SLC37A1: variants seen among roughly 807,000 people sequenced by gnomAD.
SLC37A1 encodes glucose-6-phosphate exchanger SLC37A1.
Under a neutral mutation model 75.3 loss-of-function variants are expected in SLC37A1, and 49 were observed. The observed-to-expected ratio is 0.65, with a 90% CI of 0.52 to 0.83. SLC37A1 has a LOEUF of 0.83. SLC37A1 is among the 40% of genes least tolerant of loss of function. SLC37A1 has a pLI of 0.00. For synonymous variants in SLC37A1, 268 were observed against 292.1 expected, an observed-to-expected ratio of 0.92 and a Z score of 0.84; for missense variants, 566 against 695.0, an observed-to-expected ratio of 0.81 and a Z score of 2.09.
At chr21:42,553,561 T>C (rs914675793) in intron 9 of SLC37A1, among the ~76,000 whole-genome samples, 1 of 152,252 alleles carries the variant, frequency 6.6e-6, no homozygotes, top group African/African-American at 2.4e-5. Context: ...GAAATGATTT[T>C]GAGTTTTGGA....
Position 42,578,583 on chromosome 21 carries a change from A to C in SLC37A1, c.1522-1153A>C, listed in dbSNP as rs115963481. The stretch of plus-strand genomic sequence containing the variant: ...GTTGGAGCTAGAGGTTCAGATTCAC[A>C]CAGATGGATTTATTTAACAAAAATC... On this transcript the variant is annotated intron_variant, in intron 18 of 19. Transcript: ENST00000352133. Among the ~76,000 whole-genome samples, 1,318 of 152,280 alleles carry C rather than the reference A, an allele frequency of 8.7e-3. 16 individuals are homozygous for C. The highest frequency in any genetic ancestry group is 0.03 in the African/African-American group (1,242 of 41,544).
At chr21:42,559,746 G>C (rs2055779876) in intron 11 of SLC37A1, among the ~76,000 whole-genome samples, 1 of 152,146 alleles carries the variant, frequency 6.6e-6, no homozygotes. Flanking sequence ...CGTGGTGGCA[G>C]GCGCCTGTAG....
rs115920964 is a variant in SLC37A1, at chr21:42,551,044, T to A, written c.769-3018T>A. Among the ~76,000 whole-genome samples, 303 of 152,370 alleles carry A rather than the reference T, an allele frequency of 2.0e-3. 1 individual carries two copies. The highest frequency in any genetic ancestry group is 7.0e-3 in the African/African-American group (292 of 41,582). On this transcript the variant is annotated intron_variant, in intron 9 of 19. Coordinates refer to ENST00000352133, the MANE Select transcript of SLC37A1 (RefSeq NM_001320537.2). ...GGAGGCCTGCTCTTGCCGTTTCTAT[T>A]TACCATTGTAATGCAGGCAGGCCAG...
chr21:42,579,827 G>A (rs376120603), intron 19 of SLC37A1, 27 bp downstream of exon 19: 79 of 1,612,142 alleles, frequency 4.9e-5, no homozygotes, highest in African/African-American at 1.7e-4. Context: ...CCCTGTCTCC[G>A]TGCGTGAAAG....
rs77843670 is a variant in SLC37A1, at chr21:42,501,026, T to C, written c.-300-1270T>C. 3.0e-4 allele frequency among the ~76,000 whole-genome samples: 46 copies of C among 152,316 alleles called. No homozygotes were observed. In the East Asian group the frequency reaches 7.7e-3, roughly 26 times the overall value. ...ATCAAAACCAGTAGGGAAAACAGTTTAGTGGACACCAGTGTGGAGACGAGA... is the reference window on the plus strand; with the variant it reads ...ATCAAAACCAGTAGGGAAAACAGTTCAGTGGACACCAGTGTGGAGACGAGA... On this transcript the variant is annotated intron_variant, in intron 1 of 20. Coordinates refer to the SLC37A1 transcript ENST00000398341.
At chr21:42,507,326 G>T (rs887913628) in intron 2 of SLC37A1, among the ~76,000 whole-genome samples, 1 of 152,202 alleles carries the variant, frequency 6.6e-6, no homozygotes, top group African/African-American at 2.4e-5. Flanking sequence ...GGAACCCAGG[G>T]CATGCGCCTT....
chr21:42,522,793 C>T (rs1466253793), intron 2 of SLC37A1, among the ~76,000 whole-genome samples: 1 of 152,222 alleles, frequency 6.6e-6, no homozygotes, highest in Non-Finnish European at 1.5e-5. Context: ...CAAAGGGTCT[C>T]ATTCATTAAG....
chr21:42,531,091 C>T (rs1479348167), intron 3 of SLC37A1, among the ~76,000 whole-genome samples: 1 of 152,196 alleles, frequency 6.6e-6, no homozygotes, highest in Non-Finnish European at 1.5e-5. Flanking sequence ...ACGGGATTTC[C>T]TCTCGCTGCC....
intron 2 of SLC37A1, among the ~76,000 whole-genome samples, chr21:42,507,049 A>AT (rs1416605870): frequency 6.6e-6 from 1 of 151,980 alleles, no homozygotes; most frequent in Non-Finnish European, 1.5e-5. Flanking sequence ...CACCCAGCTA[A>AT]TTTTTTGTAT....
intron 18 of SLC37A1, chr21:42,575,883 C>T (rs2056297519): frequency 3.0e-6 from 3 of 985,176 alleles, no homozygotes; most frequent in Middle Eastern, 5.2e-4. Context: ...CTTTTAATGC[C>T]TGAATGTTCT....
chr21:42,541,450 C>T (rs1302257124), intron 6 of SLC37A1, among the ~76,000 whole-genome samples: 3 of 152,158 alleles, frequency 2.0e-5, no homozygotes, highest in African/African-American at 4.8e-5. Flanking sequence ...GCCAGGCTGG[C>T]CCTGGTTTCG....
At chr21:42,561,309 T>C (rs1337118994) in intron 11 of SLC37A1, 1 of 153,780 alleles carries the variant, frequency 6.5e-6, no homozygotes, top group Non-Finnish European at 1.5e-5. Flanking sequence ...TGCCACCTCT[T>C]TCTAAAAGTA....
intron 2 of SLC37A1, chr21:42,502,607 A>G (rs1227934893): frequency 6.6e-6 from 1 of 152,180 alleles, no homozygotes; most frequent in Admixed American, 6.5e-5. Context: ...ATATATCTGT[A>G]TATGTTGTTT....
Position 42,545,423 on chromosome 21 carries a change from C to T in SLC37A1, c.731-1680C>T, listed in dbSNP as rs888844258. ...GGTTTGTTTCTGCCCCTCCTTGTCC[C>T]GAATCACTGATCCTGGGCAGGTACT... On this transcript the variant is annotated intron_variant, in intron 8 of 19. Coordinates refer to ENST00000352133, the MANE Select transcript of SLC37A1 (RefSeq NM_001320537.2). The surrounding 1 kb of genome is among the most constrained non-coding windows in gnomAD (Gnocchi z 4.0). Among the ~76,000 whole-genome samples the T allele has an allele frequency of 6.6e-6, 1 of 152,236 alleles. No individual in the cohort carries two copies. Among genetic ancestry groups the T allele is most frequent in the African/African-American group, 2.4e-5 (1 of 41,550 alleles).
chr21:42,561,878 T>G, intron 11 of SLC37A1, 200 bp from the exon 12 acceptor site: 1 of 527,222 alleles, frequency 1.9e-6, no homozygotes, highest in Non-Finnish European at 3.4e-6. Flanking sequence ...CTGCTCGGGG[T>G]GAGCGCTCCA....
Position 42,534,699 on chromosome 21 carries a change from G to T in SLC37A1, c.140G>T (p.Gly47Val). 6.2e-7 allele frequency: 1 copy of T among 1,610,078 alleles called. No homozygotes were observed. Among genetic ancestry groups the T allele is most frequent in the Middle Eastern group, 1.7e-4 (1 of 6,048 alleles). The change falls in exon 4 of 20, where the codon GGT (glycine) becomes GTT (valine). Residue 47 changes from glycine (G) to valine (V), a missense_variant and splice_region_variant. By Grantham distance (109) the Gly-to-Val change is moderately radical (BLOSUM62 -3). Coordinates refer to ENST00000352133, the MANE Select transcript of SLC37A1 (RefSeq NM_001320537.2). ...TTCTGCCCTCCCATCACGTCCCAGG[G>T]TGAGCTCCACAAGTACTGCACTGCT... ...LSRKPISIVK[G>V]ELHKYCTAWD... is the part of the protein sequence containing the mutation.
chr21:42,501,011 G>A (rs184449175), intron 1 of SLC37A1, among the ~76,000 whole-genome samples: 20 of 152,322 alleles, frequency 1.3e-4, no homozygotes, highest in African/African-American at 4.8e-4. Context: ...ATCAAAACCA[G>A]TAGGGAAAAC....
chr21:42,534,199 A>C (rs1242930640), intron 3 of SLC37A1, among the ~76,000 whole-genome samples: 3 of 152,154 alleles, frequency 2.0e-5, no homozygotes, highest in African/African-American at 7.2e-5. Context: ...GGAATGCTGC[A>C]GTCTGTACTC....
chr21:42,563,672 T>C lies in SLC37A1; in HGVS notation c.1073-143T>C, dbSNP rs548221829. The stretch of plus-strand genomic sequence containing the variant: ...TTCTGTGTTACTTGTTTTTTAAATC[T>C]GAGTTAACTACTAATTGCTCCTCGG... On this transcript the variant is annotated intron_variant, in intron 12 of 19. Coordinates refer to ENST00000352133, the MANE Select transcript of SLC37A1 (RefSeq NM_001320537.2). The C allele has an allele frequency of 1.9e-5, 13 of 687,434 alleles. No homozygotes were observed. In the African/African-American group the frequency reaches 2.1e-4, roughly 11 times the overall value. The allele number at this position is 687,434 out of a possible 1,614,324, so 42.6% of individuals were successfully genotyped here.
Sources: gnomAD v4.1 joint callset for allele counts (sites outside exome capture counted in the v4.1 genomes callset) on GRCh38, gnomAD v4.1.1 for gene constraint, Gnocchi (gnomAD v3.1) non-coding constraint, MANE v1.5 for transcripts, NCBI Gene and HGNC (gene_info 2026-07-23, HGNC 2026-07-21) for gene names.